Variants in PPARGC1B observed in about 807,000 individuals in gnomAD.
PPARGC1B encodes the protein PPARG coactivator 1 beta, also known as peroxisome proliferator-activated receptor gamma coactivator 1-beta.
A neutral mutation model predicts 101.6 loss-of-function variants in PPARGC1B; 34 were observed. The ratio of observed to expected loss-of-function variants is 0.33; its 90% confidence interval spans 0.25 to 0.45. PPARGC1B has a LOEUF of 0.45. Among genes scored for constraint, PPARGC1B ranks in the 20% least tolerant of loss-of-function variants. PPARGC1B has a pLI of 1.00. For missense variants in PPARGC1B, 1,234 were observed against 1,317.6 expected (o/e 0.94, Z 0.98); for synonymous variants, 548 against 539.3 (o/e 1.02, Z -0.22).
chr5:149,814,641 G>A (rs1757987112), intron 1 of PPARGC1B, among the ~76,000 whole-genome samples: 1 of 152,184 alleles, frequency 6.6e-6, no homozygotes, highest in South Asian at 2.1e-4. Flanking sequence ...ACTAAGCTAG[G>A]TGATTTGCTG....
At chr5:149,829,482 G>T (rs1758656743) in intron 3 of PPARGC1B, among the ~76,000 whole-genome samples, 1 of 152,086 alleles carries the variant, frequency 6.6e-6, no homozygotes. Flanking sequence ...GGCATTCCTT[G>T]TTGGAGTGAC....
chr5:149,831,686 C>T (rs970374524), intron 4 of PPARGC1B, among the ~76,000 whole-genome samples: 9 of 152,154 alleles, frequency 5.9e-5, no homozygotes, highest in Non-Finnish European at 1.2e-4. Context: ...CTAAGAAGCT[C>T]CCCAGAGAGG....
Position 149,836,836 on chromosome 5 carries a change from A to ACAG in PPARGC1B, c.2395_2397dup (p.Ser799dup), listed in dbSNP as rs746024586. On this transcript the variant is annotated inframe_insertion, in exon 8 of 12. Transcript: ENST00000309241. ...CCTGAGTATGACACTGTCTTTGAAG[A>ACAG]CAGCAGCAGCAGCAGCGGCGAGAGC... The ACAG allele has an allele frequency of 2.8e-5, 45 of 1,612,940 alleles. No individual in the cohort carries two copies. Among genetic ancestry groups the ACAG allele is most frequent in the South Asian group, 7.7e-5 (7 of 91,094 alleles).
chr5:149,806,757 A>G (rs925504757), intron 1 of PPARGC1B, among the ~76,000 whole-genome samples: 1 of 151,660 alleles, frequency 6.6e-6, no homozygotes, highest in African/African-American at 2.4e-5. Flanking sequence ...ATAGGCACCC[A>G]CCACCATGCC....
chr5:149,794,524 GCACA>G (rs35484083), intron 1 of PPARGC1B, among the ~76,000 whole-genome samples: 44,687 of 143,520 alleles, frequency 0.31, 6,837 homozygotes, highest in Middle Eastern at 0.39. Context: ...ATGTGAGCGT[GCACA>G]CACACACACA....
intron 1 of PPARGC1B, among the ~76,000 whole-genome samples, chr5:149,809,500 AG>A (rs1757761442): frequency 6.9e-6 from 1 of 145,736 alleles, no homozygotes; most frequent in Non-Finnish European, 1.5e-5. Flanking sequence ...ATAGATAGAT[AG>A]ATAGATAGAT....
Position 149,833,553 on chromosome 5 carries a change from G to A in PPARGC1B, c.1480G>A (p.Asp494Asn), listed in dbSNP as rs371101924. 4.0e-5 allele frequency: 64 copies of A among 1,585,226 alleles called. 1 individual carries two copies. In the South Asian group the frequency reaches 6.8e-4, roughly 17 times the overall value. ...PELGPWLTFADEPLVPSEPQG... is the reference protein window; with the variant it reads ...PELGPWLTFANEPLVPSEPQG... The stretch of plus-strand genomic sequence containing the variant: ...GCTGGGCCCCTGGCTGACATTTGCA[G>A]ATGAGCCGCTGGTCCCCTCGGAGCC... Residue 494 changes from aspartate to asparagine, a missense_variant, in exon 5 of 12, where the codon GAT becomes AAT. Physicochemically the swap from Asp to Asn is conservative, Grantham distance 23. This residue lies in a region of PPARGC1B where 734 missense variants were observed against 768.4 expected (regional missense o/e 0.96). Transcript: ENST00000309241. This position sits in a 1 kb window ranked among gnomAD's most constrained non-coding sequence, Gnocchi z 4.1.
intron 9 of PPARGC1B, among the ~76,000 whole-genome samples, chr5:149,840,996 GCA>G (rs1303916669): frequency 6.6e-6 from 1 of 152,190 alleles, no homozygotes; most frequent in Admixed American, 6.5e-5. Context: ...TACAGGCCTA[GCA>G]CAGTTCTGGG....
intron 1 of PPARGC1B, among the ~76,000 whole-genome samples, chr5:149,783,863 A>G (rs1756686815): frequency 6.6e-6 from 1 of 151,842 alleles, no homozygotes; most frequent in Non-Finnish European, 1.5e-5. Context: ...AACCATCTTT[A>G]TACCCCTTTA....
chr5:149,759,205 C>T (rs1287333749), intron 1 of PPARGC1B, among the ~76,000 whole-genome samples: 3 of 151,970 alleles, frequency 2.0e-5, no homozygotes, highest in Non-Finnish European at 4.4e-5. Context: ...AAGGTTTTTT[C>T]CATGGCCTTA....
Position 149,836,400 on chromosome 5 carries a change from G to C in PPARGC1B, c.1945G>C (p.Gly649Arg). ...PEGLSLKATP[G>R]AAHKLPKKHP... is the part of the protein sequence containing the mutation. Reference sequence around the variant, plus strand: ...GGGCCTCTCACTCAAGGCCACCCCAGGGGCTGCCCACAAGCTGCCAAAGAA... The same window carrying C: ...GGGCCTCTCACTCAAGGCCACCCCACGGGCTGCCCACAAGCTGCCAAAGAA... The change falls in exon 8 of 12, where the codon GGG (glycine) becomes CGG (arginine). Residue 649 changes from glycine (G) to arginine (R), a missense_variant. Physicochemically the swap from Gly to Arg is moderately radical, Grantham distance 125 (BLOSUM62 -2). This residue lies in a region of PPARGC1B where 497 missense variants were observed against 529.5 expected (regional missense o/e 0.94). Transcript: ENST00000309241. 1.2e-6 allele frequency: 2 copies of C among 1,614,132 alleles called. No homozygotes were observed. Among genetic ancestry groups the C allele is most frequent in the East Asian group, 2.2e-5 (1 of 44,866 alleles).
chr5:149,807,022 C>G (rs1581076058), intron 1 of PPARGC1B, among the ~76,000 whole-genome samples: 1 of 151,322 alleles, frequency 6.6e-6, no homozygotes, highest in African/African-American at 2.4e-5. Flanking sequence ...TGCAGTGGTA[C>G]CATCACAGCT....
At chr5:149,808,960 C>T (rs1757699674) in intron 1 of PPARGC1B, among the ~76,000 whole-genome samples, 1 of 152,058 alleles carries the variant, frequency 6.6e-6, no homozygotes. Context: ...GTACTTAATG[C>T]CACTGAACTG....
chr5:149,850,820 C>T lies in PPARGC1B; in HGVS notation c.*3262C>T, dbSNP rs931296481. 6 of 152,174 alleles carry T rather than the reference C, an allele frequency of 3.9e-5. No individual in the cohort carries two copies. Among genetic ancestry groups the T allele is most frequent in the African/African-American group, 1.4e-4 (6 of 41,422 alleles). 9.4% of individuals were successfully genotyped at this position (152,174 alleles called of 1,614,324 possible). On this transcript the variant is annotated 3_prime_UTR_variant, in exon 12 of 12. Coordinates refer to ENST00000309241, the MANE Select transcript of PPARGC1B (RefSeq NM_133263.4). ...TGGTGTTTTCCAAAAATGTCTGATC[C>T]AACCACTAAGTGGAATTCTTCCATC...
chr5:149,775,575 C>T lies in PPARGC1B; in HGVS notation c.79-44858C>T, dbSNP rs918426445. Among the ~76,000 whole-genome samples the T allele has an allele frequency of 3.3e-5, 5 of 152,330 alleles. No homozygotes were observed. The South Asian group carries it at 1.0e-3, about 32-fold the overall frequency. On this transcript the variant is annotated intron_variant, in intron 1 of 11. Coordinates refer to ENST00000309241, the MANE Select transcript of PPARGC1B (RefSeq NM_133263.4). ...GAGCTCCAAGAGGCCTCAGAATCCACTGCAAAACAAGGCTTCAGGTAGTCC... is the reference window on the plus strand; with the variant it reads ...GAGCTCCAAGAGGCCTCAGAATCCATTGCAAAACAAGGCTTCAGGTAGTCC...
chr5:149,771,351 G>T (rs1756125770), intron 1 of PPARGC1B, among the ~76,000 whole-genome samples: 1 of 152,178 alleles, frequency 6.6e-6, no homozygotes, highest in Non-Finnish European at 1.5e-5. Flanking sequence ...GGAAATTGGG[G>T]TCCCAAAGGC....
chr5:149,759,970 C>T (rs895954170), intron 1 of PPARGC1B, among the ~76,000 whole-genome samples: 9 of 152,232 alleles, frequency 5.9e-5, no homozygotes, highest in African/African-American at 2.2e-4. Context: ...TGAGTTGGAA[C>T]ACCCATTATG....
chr5:149,821,581 G>T (rs1235735315), intron 2 of PPARGC1B, among the ~76,000 whole-genome samples: 2 of 152,188 alleles, frequency 1.3e-5, no homozygotes, highest in Non-Finnish European at 2.9e-5. Flanking sequence ...CCCTGTGCCT[G>T]TCTGGCAGTA....
At chr5:149,764,733 T>C (rs750789067) in intron 1 of PPARGC1B, among the ~76,000 whole-genome samples, 3 of 152,236 alleles carry the variant, frequency 2.0e-5, no homozygotes, top group Non-Finnish European at 2.9e-5. Context: ...AATTTATTGC[T>C]AAGGATAAGT....
Sources: gnomAD v4.1 joint callset for allele counts (sites outside exome capture counted in the v4.1 genomes callset) on GRCh38, gnomAD v4.1.1 for gene constraint, gnomAD v4.1.1 regional missense constraint, Gnocchi (gnomAD v3.1) non-coding constraint, MANE v1.5 for transcripts, NCBI Gene and HGNC (gene_info 2026-07-23, HGNC 2026-07-21) for gene names.